Variants in KHDC3L observed in about 807,000 individuals in gnomAD.
The protein encoded by KHDC3L is KH domain containing 3 like, subcortical maternal complex member, also known as KH domain-containing protein 3.
A neutral mutation model predicts 11.4 loss-of-function variants in KHDC3L; 6 were observed. That is an observed-to-expected ratio of 0.52 (90% CI 0.29 to 1.03). The LOEUF (loss-of-function observed/expected upper bound fraction) is 1.03, where lower values mean the gene tolerates loss of function less well. Ranked by LOEUF, KHDC3L falls within the 50% of genes least tolerant of loss-of-function variation. KHDC3L has a pLI of 0.09. For synonymous variants in KHDC3L, 127 were observed against 120.9 expected (o/e 1.05, Z -0.33); for missense variants, 293 against 290.4 (o/e 1.01, Z -0.07).
chr6:73,362,897 C>A lies in KHDC3L; in HGVS notation c.168C>A (p.Phe56Leu). ...RLEVWLVEKI[F>L]GRGGERIPHV... Reference sequence around the variant, plus strand: ...AGGTTTGGCTGGTGGAAAAGATCTTCGGTGAGTGGACCAAGAAGGGGCAGC... The same window carrying A: ...AGGTTTGGCTGGTGGAAAAGATCTTAGGTGAGTGGACCAAGAAGGGGCAGC... Residue 56 changes from phenylalanine to leucine, a missense_variant and splice_region_variant, in exon 1 of 3, where the codon TTC (phenylalanine) becomes TTA (leucine). Phe to Leu is a conservative substitution (Grantham distance 22). Transcript: ENST00000370367. 1.2e-6 allele frequency: 2 copies of A among 1,614,164 alleles called. No individual in the cohort carries two copies. The highest frequency in any genetic ancestry group is 1.1e-5 in the South Asian group (1 of 91,076).
rs745776920 is a variant in KHDC3L, at chr6:73,363,259, C to T, written c.334C>T (p.Gln112Ter). 16 of 1,614,052 alleles carry T rather than the reference C, an allele frequency of 9.9e-6. No homozygotes were observed. The highest frequency in any genetic ancestry group is 1.1e-5 in the Non-Finnish European group (13 of 1,180,042). Residue 112 changes from glutamine (Q) to a stop codon, truncating the protein, a stop_gained, in exon 2 of 3, where the codon CAG (glutamine) becomes TAG (stop). Coordinates refer to ENST00000370367, the MANE Select transcript of KHDC3L (RefSeq NM_001017361.3). LOFTEE classifies it low-confidence loss of function (END_TRUNC). The stretch of plus-strand genomic sequence containing the variant: ...CATGAACCTGGCTGACTATCACCGC[C>T]AGCTCCAGGCGAAAGGTACGGGGCT... ...MIMNLADYHR[Q>*]LQAKGSGKAL...
Position 73,363,208 on chromosome 6 carries a change from T to C in KHDC3L, c.283T>C (p.Tyr95His). ...AEILVFGRPS[Y>H]QEDTIKMIMN... Reference sequence around the variant, plus strand: ...GATCTTGGTATTTGGGAGGCCTTCTTACCAGGAGGACACAATCAAGATGAT... The same window carrying C: ...GATCTTGGTATTTGGGAGGCCTTCTCACCAGGAGGACACAATCAAGATGAT... Residue 95 changes from tyrosine to histidine, a missense_variant, in exon 2 of 3, where the codon TAC becomes CAC. Coordinates refer to ENST00000370367, the MANE Select transcript of KHDC3L (RefSeq NM_001017361.3). 1 of 1,614,162 alleles carries C rather than the reference T, an allele frequency of 6.2e-7. No homozygotes were observed.
rs1257451545 is a variant in KHDC3L at position 73,363,787 on chromosome 6, C to T, written c.581C>T (p.Ser194Phe). 1.2e-6 allele frequency: 2 copies of T among 1,612,556 alleles called. No individual in the cohort carries two copies. Among genetic ancestry groups the T allele is most frequent in the African/African-American group, 1.3e-5 (1 of 74,872 alleles). ...QAANKSGTQR[S>F]PEAASKAVTQ... ...GCCAACAAGTCGGGGACCCAGCGATCCCCCGAAGCTGCCAGCAAGGCAGTG... is the reference window on the plus strand; with the variant it reads ...GCCAACAAGTCGGGGACCCAGCGATTCCCCGAAGCTGCCAGCAAGGCAGTG... Residue 194 changes from serine (S) to phenylalanine (F), a missense_variant, in exon 3 of 3, where the codon TCC (serine) becomes TTC (phenylalanine). Ser to Phe is a radical substitution (Grantham distance 155, BLOSUM62 -2). Transcript: ENST00000370367.
chr6:73,364,093 T>A lies in KHDC3L; in HGVS notation c.*233T>A. The A allele has an allele frequency of 1.7e-6, 1 of 598,572 alleles. No individual in the cohort carries two copies. 37.1% of individuals were successfully genotyped at this position (598,572 alleles called of 1,614,324 possible). On this transcript the variant is annotated 3_prime_UTR_variant, in exon 3 of 3. Transcript: ENST00000370367. ...AAGCTGGGGTGGCGAGGAAGGATGA[T>A]GTGGATTGTTTTTGTTTTACACCTT...
Position 73,363,651 on chromosome 6 carries a change from G to C in KHDC3L, c.445G>C (p.Val149Leu). 6.2e-7 allele frequency: 1 copy of C among 1,612,928 alleles called. No homozygotes were observed. Among genetic ancestry groups the C allele is most frequent in the Non-Finnish European group, 8.5e-7 (1 of 1,179,304 alleles). Residue 149 changes from valine (V) to leucine (L), a missense_variant, in exon 3 of 3, where the codon GTG (valine) becomes CTG (leucine). By Grantham distance (32) the Val-to-Leu change is conservative. Transcript: ENST00000370367. The part of the protein sequence containing the change: ...EVREAGTQRS[V>L]EVREAGTQRS... ...CCGGGAGGCCGGGACGCAGCGTTCG[G>C]TGGAGGTCCGGGAGGCCGGGACCCA...
chr6:73,363,151 G>C lies in KHDC3L; in HGVS notation c.226G>C (p.Val76Leu), dbSNP rs762594964. Residue 76 changes from valine (V) to leucine (L), a missense_variant, in exon 2 of 3, where the codon GTG (valine) becomes CTG (leucine). Val to Leu is a conservative substitution (Grantham distance 32). Coordinates refer to ENST00000370367, the MANE Select transcript of KHDC3L (RefSeq NM_001017361.3). ...GGGTATGTCCCAAATCTTGATTCAC[G>C]TGAATCGATTGGACCCTAACGGCGA... ...VQGMSQILIH[V>L]NRLDPNGEAE... 1.5e-5 allele frequency: 24 copies of C among 1,614,082 alleles called. No homozygotes were observed. Among genetic ancestry groups the C allele is most frequent in the Middle Eastern group, 1.6e-4 (1 of 6,084 alleles).
In KHDC3L at chr6:73,363,844, C is replaced by T; in HGVS notation, c.638C>T (p.Pro213Leu). 2 of 1,609,640 alleles carry T rather than the reference C, an allele frequency of 1.2e-6. No homozygotes were observed. The highest frequency in any genetic ancestry group is 8.5e-7 in the Non-Finnish European group (1 of 1,179,984). Residue 213 changes from proline to leucine, a missense_variant, in exon 3 of 3, where the codon CCA becomes CTA. Pro to Leu is a moderately conservative substitution (Grantham distance 98). Coordinates refer to ENST00000370367, the MANE Select transcript of KHDC3L (RefSeq NM_001017361.3). The stretch of plus-strand genomic sequence containing the variant: ...CGGTTTCGCGAGGATGCCCGGGACC[C>T]AGTTACTAGATTATGAAGGCATCTC... ...TQRFREDARDPVTRL is the reference protein window; with the variant it reads ...TQRFREDARDLVTRL
At position 73,363,078 on chromosome 6, in the gene KHDC3L, C is replaced by A. The variant is rs773994425; in HGVS notation, c.170-17C>A. 6.2e-7 allele frequency: 1 copy of A among 1,613,776 alleles called. No homozygotes were observed. Among genetic ancestry groups the A allele is most frequent in the South Asian group, 1.1e-5 (1 of 91,060 alleles). ...GGGAGCCACCGGTCCCTCACAGCCT[C>A]TCTGCTACCCGCGCAGGCCGGGGCG... On this transcript the variant is annotated splice_polypyrimidine_tract_variant and intron_variant, in intron 1 of 2. Coordinates refer to ENST00000370367, the MANE Select transcript of KHDC3L (RefSeq NM_001017361.3).
rs1315216321 is a variant in KHDC3L at position 73,362,724 on chromosome 6, C to T, written c.-6C>T. 1.9e-6 allele frequency: 3 copies of T among 1,613,944 alleles called. No individual in the cohort carries two copies. The African/African-American group carries it at 4.0e-5, about 22-fold the overall frequency. ...TGTCCTTGTCTCCTGCAGGACCGGCCGCAGCATGGACGCTCCCAGGCGGTT... is the reference window on the plus strand; with the variant it reads ...TGTCCTTGTCTCCTGCAGGACCGGCTGCAGCATGGACGCTCCCAGGCGGTT... On this transcript the variant is annotated 5_prime_UTR_variant, in exon 1 of 3. Coordinates refer to ENST00000370367, the MANE Select transcript of KHDC3L (RefSeq NM_001017361.3).
rs1582618908 is a variant in KHDC3L at position 73,362,712 on chromosome 6, T to G, written c.-18T>G. ...GGTTTGCTGTGGTGTCCTTGTCTCC[T>G]GCAGGACCGGCCGCAGCATGGACGC... On this transcript the variant is annotated 5_prime_UTR_variant, in exon 1 of 3. Transcript: ENST00000370367. The G allele has an allele frequency of 4.3e-6, 7 of 1,613,744 alleles. No homozygotes were observed. In the East Asian group the frequency reaches 1.6e-4, roughly 36 times the overall value.
In KHDC3L at chr6:73,363,574, C is replaced by G. The variant is rs1384312110; in HGVS notation, c.368C>G (p.Ala123Gly). ...CTTCCAGGCTCAGGAAAGGCCCTCGCCCAGGATGTCGCCACTCAGAAGGCC... is the reference window on the plus strand; with the variant it reads ...CTTCCAGGCTCAGGAAAGGCCCTCGGCCAGGATGTCGCCACTCAGAAGGCC... ...LQAKGSGKAL[A>G]QDVATQKAET... is the part of the protein sequence containing the mutation. Residue 123 changes from alanine to glycine, a missense_variant, in exon 3 of 3, where the codon GCC (alanine) becomes GGC (glycine). Ala to Gly is a moderately conservative substitution (Grantham distance 60). Coordinates refer to ENST00000370367, the MANE Select transcript of KHDC3L (RefSeq NM_001017361.3). The G allele has an allele frequency of 6.2e-6, 10 of 1,610,434 alleles. No individual in the cohort carries two copies. The highest frequency in any genetic ancestry group is 8.5e-6 in the Non-Finnish European group (10 of 1,179,896).
At position 73,364,153 on chromosome 6, in the gene KHDC3L, A is replaced by C. The variant is rs1414461181; in HGVS notation, c.*293A>C. 2.0e-5 allele frequency: 10 copies of C among 499,784 alleles called. No individual in the cohort carries two copies. Among genetic ancestry groups the C allele is most frequent in the Non-Finnish European group, 3.6e-5 (10 of 275,460 alleles). The allele number at this position is 499,784 out of a possible 1,614,324, so 31.0% of individuals were successfully genotyped here. ...GGTTGCCAACACAAACTTGAGTTCT[A>C]ATAAATAATTGCATTTCCCTAACGT... is the stretch of plus-strand genomic sequence containing the variant. On this transcript the variant is annotated 3_prime_UTR_variant, in exon 3 of 3. Coordinates refer to ENST00000370367, the MANE Select transcript of KHDC3L (RefSeq NM_001017361.3).
In KHDC3L at chr6:73,364,042, TC is replaced by T. The variant is rs113486455; in HGVS notation, c.*189del. On this transcript the variant is annotated 3_prime_UTR_variant, in exon 3 of 3. Coordinates refer to ENST00000370367, the MANE Select transcript of KHDC3L (RefSeq NM_001017361.3). ...GCAAAGTGGAAGCCCGCCCCCCGCC[TC>T]CCCCCCGCCTCACTTAAGTCCAGGA... 2.7e-3 allele frequency: 1,820 copies of T among 664,634 alleles called. 23 individuals are homozygous for T. The African/African-American group carries it at 0.029, about 11-fold the overall frequency. The allele number at this position is 664,634 out of a possible 1,614,324, so 41.2% of individuals were successfully genotyped here.
chr6:73,363,901 A>C lies in KHDC3L; in HGVS notation c.*41A>C. The C allele has an allele frequency of 6.3e-7, 1 of 1,590,996 alleles. No individual in the cohort carries two copies. Among genetic ancestry groups the C allele is most frequent in the Non-Finnish European group, 8.5e-7 (1 of 1,170,656 alleles). On this transcript the variant is annotated 3_prime_UTR_variant, in exon 3 of 3. Coordinates refer to ENST00000370367, the MANE Select transcript of KHDC3L (RefSeq NM_001017361.3). ...TGGAGCCAGAGCCAGTCAGGGGTTA[A>C]AGTGAAAGCCCGTATTTCCGCCCAG...
intron 2 of KHDC3L, 52 bp from the exon 3 acceptor site, chr6:73,363,504 G>A: frequency 6.4e-7 from 1 of 1,571,394 alleles, no homozygotes; most frequent in Non-Finnish European, 8.6e-7. Flanking sequence ...GTCCTTTTTT[G>A]GAGAGGATAT....
In KHDC3L at chr6:73,363,799, C is replaced by T. The variant is rs1181386957; in HGVS notation, c.593C>T (p.Ala198Val). 1 of 1,612,516 alleles carries T rather than the reference C, an allele frequency of 6.2e-7. No homozygotes were observed. The highest frequency in any genetic ancestry group is 8.5e-7 in the Non-Finnish European group (1 of 1,179,608). Residue 198 changes from alanine to valine, a missense_variant, in exon 3 of 3, where the codon GCC (alanine) becomes GTC (valine). Coordinates refer to ENST00000370367, the MANE Select transcript of KHDC3L (RefSeq NM_001017361.3). ...GGGACCCAGCGATCCCCCGAAGCTGCCAGCAAGGCAGTGACCCAGCGGTTT... is the reference window on the plus strand; with the variant it reads ...GGGACCCAGCGATCCCCCGAAGCTGTCAGCAAGGCAGTGACCCAGCGGTTT... The part of the protein sequence containing the change: ...KSGTQRSPEA[A>V]SKAVTQRFRE...
Position 73,363,201 on chromosome 6 carries a change from G to C in KHDC3L, c.276G>C (p.Arg92Ser), listed in dbSNP as rs992597167. ...NGEAEILVFG[R>S]PSYQEDTIKM... is the part of the protein sequence containing the mutation. Reference sequence around the variant, plus strand: ...AGGCTGAGATCTTGGTATTTGGGAGGCCTTCTTACCAGGAGGACACAATCA... The same window carrying C: ...AGGCTGAGATCTTGGTATTTGGGAGCCCTTCTTACCAGGAGGACACAATCA... Residue 92 changes from arginine (R) to serine (S), a missense_variant, in exon 2 of 3, where the codon AGG becomes AGC. Physicochemically the swap from Arg to Ser is moderately radical, Grantham distance 110. Coordinates refer to ENST00000370367, the MANE Select transcript of KHDC3L (RefSeq NM_001017361.3). 3.1e-6 allele frequency: 5 copies of C among 1,614,040 alleles called. No homozygotes were observed. In the South Asian group the frequency reaches 3.3e-5, roughly 11 times the overall value.
At position 73,363,555 on chromosome 6, in the gene KHDC3L, G is replaced by A; in HGVS notation, c.350-1G>A. 1 of 1,607,292 alleles carries A rather than the reference G, an allele frequency of 6.2e-7. No homozygotes were observed. Among genetic ancestry groups the A allele is most frequent in the Non-Finnish European group, 8.5e-7 (1 of 1,179,696 alleles). The stretch of plus-strand genomic sequence containing the variant: ...GCCTCTGCACACTGCTCTTCTTCCA[G>A]GCTCAGGAAAGGCCCTCGCCCAGGA... On this transcript the variant is annotated splice_acceptor_variant, in intron 2 of 2. Transcript: ENST00000370367. LOFTEE classifies it high-confidence loss of function.
At chr6:73,363,447 C>T in intron 2 of KHDC3L, 109 bp from the exon 3 acceptor site, 4 of 1,456,648 alleles carry the variant, frequency 2.7e-6, no homozygotes, top group South Asian at 1.2e-5. Flanking sequence ...ATTGAACCCT[C>T]GTTCTGGGAT....
Sources: gnomAD v4.1 joint callset for allele counts on GRCh38, gnomAD v4.1.1 for gene constraint, MANE v1.5 for transcripts, NCBI Gene and HGNC (gene_info 2026-07-23, HGNC 2026-07-21) for gene names.